The following MTREX variants were observed in gnomAD, a reference collection of about 807,000 sequenced individuals.
MTREX encodes the protein Mtr4 exosome RNA helicase.
Under a neutral mutation model 135.4 loss-of-function variants are expected in MTREX, and 76 were observed. The ratio of observed to expected loss-of-function variants is 0.56; its 90% CI spans 0.47 to 0.68. The LOEUF is 0.68. MTREX is among the 30% of genes least tolerant of loss of function. The pLI is 0.00. For synonymous variants in MTREX, 404 were observed against 401.6 expected (o/e 1.01, Z -0.07); for missense variants, 920 against 1,262.1 (o/e 0.73, Z 4.11).
intron 18 of MTREX, among the ~76,000 whole-genome samples, chr5:55,383,415 A>G (rs924507709): frequency 7.9e-5 from 12 of 152,216 alleles, no homozygotes; most frequent in Admixed American, 3.3e-4. Flanking sequence ...TTTTGCCTTC[A>G]TTTTTGAAAG....
At chr5:55,374,006 C>T (rs1422919600) in intron 16 of MTREX, among the ~76,000 whole-genome samples, 1 of 152,022 alleles carries the variant, frequency 6.6e-6, no homozygotes, top group African/African-American at 2.4e-5. Context: ...CTCATGCCTG[C>T]CAGAACTTTG....
Position 55,416,120 on chromosome 5 carries a change from G to T in MTREX, c.2959G>T (p.Asp987Tyr). The T allele has an allele frequency of 6.3e-7, 1 of 1,584,822 alleles. No homozygotes were observed. The highest frequency in any genetic ancestry group is 8.5e-7 in the Non-Finnish European group (1 of 1,170,178). ...ATTTGCCCATATCTGCAAAATGACAGATGTCTTTGAAGGTATGGTTAAATT... is the reference window on the plus strand; with the variant it reads ...ATTTGCCCATATCTGCAAAATGACATATGTCTTTGAAGGTATGGTTAAATT... ...ATFAHICKMT[D>Y]VFEGSIIRCM... The change falls in exon 25 of 27, where the codon GAT becomes TAT. Residue 987 changes from aspartate (D) to tyrosine (Y), a missense_variant. Asp to Tyr is a radical substitution (Grantham distance 160, BLOSUM62 -3). Coordinates refer to ENST00000230640, the MANE Select transcript of MTREX (RefSeq NM_015360.5).
chr5:55,417,661 G>A (rs1750987096), intron 25 of MTREX, among the ~76,000 whole-genome samples: 2 of 152,304 alleles, frequency 1.3e-5, no homozygotes, highest in South Asian at 4.1e-4. Context: ...CTTAAAACAG[G>A]AGCACAGGTT....
At chr5:55,413,868 A>G (rs230767) in intron 23 of MTREX, among the ~76,000 whole-genome samples, 130,880 of 152,256 alleles carry the variant, frequency 0.86, 56,650 homozygotes, top group South Asian at 0.92. Flanking sequence ...CTAAACTACT[A>G]TGTATGTTTA....
intron 1 of MTREX, among the ~76,000 whole-genome samples, chr5:55,318,780 C>G (rs1252894155): frequency 6.6e-6 from 1 of 150,678 alleles, no homozygotes; most frequent in Non-Finnish European, 1.5e-5. Flanking sequence ...TTTAAAAAGA[C>G]CAAATACTTC....
intron 16 of MTREX, among the ~76,000 whole-genome samples, chr5:55,372,808 G>A (rs1750224702): frequency 6.6e-6 from 1 of 151,726 alleles, no homozygotes; most frequent in Admixed American, 6.6e-5. Flanking sequence ...TTTGGATTTG[G>A]CAGTGATTTC....
Position 55,378,398 on chromosome 5 carries a change from A to G in MTREX, c.1895A>G (p.Gln632Arg). ...SVVIYYKIRQ[Q>R]LAKLGKEIEE... ...GTTATCTATTATAAGATTAGACAGCAGCTTGCCAAATTGGGTAAAGAAATT... is the reference window on the plus strand; with the variant it reads ...GTTATCTATTATAAGATTAGACAGCGGCTTGCCAAATTGGGTAAAGAAATT... Residue 632 changes from glutamine (Q) to arginine (R), a missense_variant, in exon 17 of 27, where the codon CAG (glutamine) becomes CGG (arginine). Physicochemically the swap from Gln to Arg is conservative, Grantham distance 43. Coordinates refer to ENST00000230640, the MANE Select transcript of MTREX (RefSeq NM_015360.5). The G allele has an allele frequency of 6.2e-7, 1 of 1,612,662 alleles. No individual in the cohort carries two copies. Among genetic ancestry groups the G allele is most frequent in the Non-Finnish European group, 8.5e-7 (1 of 1,179,566 alleles).
chr5:55,312,803 G>A (rs567110236), intron 1 of MTREX, among the ~76,000 whole-genome samples: 42 of 152,218 alleles, frequency 2.8e-4, no homozygotes, highest in African/African-American at 9.9e-4. Context: ...CTTGAGGTTG[G>A]CTGTTGTGTC....
At chr5:55,362,222 C>T (rs759614432) in intron 15 of MTREX, among the ~76,000 whole-genome samples, 2 of 151,544 alleles carry the variant, frequency 1.3e-5, no homozygotes, top group Non-Finnish European at 2.9e-5. Context: ...CATGAACCAT[C>T]GCGCTGGCTG....
rs1750664010 is a variant in MTREX, at chr5:55,397,522, T to C, written c.2288T>C (p.Ile763Thr). The C allele has an allele frequency of 3.2e-6, 5 of 1,577,130 alleles. 1 individual carries two copies. Among genetic ancestry groups the C allele is most frequent in the Non-Finnish European group, 4.4e-6 (5 of 1,149,220 alleles). The change falls in exon 20 of 27, where the codon ATA (isoleucine) becomes ACA (threonine). Residue 763 changes from isoleucine to threonine, a missense_variant. Ile to Thr is a moderately conservative substitution (Grantham distance 89, BLOSUM62 -1). Transcript: ENST00000230640. ...AATAGACAGAGTGTTTTAAAATCAA[T>C]ACAGGTATGTGTTAATTTCATAAGT... ...VDNRQSVLKS[I>T]QEVQKRFPDG... is the part of the protein sequence containing the mutation.
At chr5:55,344,967 T>G (rs1372842535) in intron 9 of MTREX, 127 bp from the exon 10 acceptor site, 1 of 638,850 alleles carries the variant, frequency 1.6e-6, no homozygotes, top group East Asian at 2.8e-5. Flanking sequence ...AGATCATGTT[T>G]GGACTATTTT....
intron 22 of MTREX, among the ~76,000 whole-genome samples, chr5:55,407,307 A>G (rs973365824): frequency 1.3e-5 from 2 of 152,216 alleles, no homozygotes; most frequent in Non-Finnish European, 2.9e-5. Context: ...TTATCACAGG[A>G]TAATGTGCTA....
In MTREX at chr5:55,343,450, A is replaced by T; in HGVS notation, c.901A>T (p.Lys301Ter). ...TGCTGAATGGATTTGCCATTTACAT[A>T]AACAGGTATTTTTTCCTCCTTTTTT... ...QFAEWICHLH[K>*]QPCHVIYTDY... Residue 301 changes from lysine (K) to a stop codon, truncating the protein, a stop_gained, in exon 8 of 27, where the codon AAA (lysine) becomes TAA (stop). Coordinates refer to ENST00000230640, the MANE Select transcript of MTREX (RefSeq NM_015360.5). LOFTEE classifies it high-confidence loss of function. 6.2e-7 allele frequency: 1 copy of T among 1,611,436 alleles called. No homozygotes were observed.
At chr5:55,350,179 A>AT (rs5867980) in intron 12 of MTREX, among the ~76,000 whole-genome samples, 27,721 of 152,066 alleles carry the variant, frequency 0.18, 2,645 homozygotes, top group Admixed American at 0.19. Context: ...CCCCCAGGTG[A>AT]TTCTGCTGTG....
intron 3 of MTREX, among the ~76,000 whole-genome samples, chr5:55,327,326 T>A (rs1009532639): frequency 6.6e-6 from 1 of 152,180 alleles, no homozygotes; most frequent in Non-Finnish European, 1.5e-5. Context: ...TAGAGTCTCT[T>A]TTTTTCTAAT....
intron 5 of MTREX, among the ~76,000 whole-genome samples, chr5:55,330,658 GAT>G (rs1749461038): frequency 6.8e-6 from 1 of 147,426 alleles, no homozygotes; most frequent in African/African-American, 2.6e-5. Flanking sequence ...ATGTGACTGA[GAT>G]AGTTTTTTTT....
Position 55,358,699 on chromosome 5 carries a change from G to A in MTREX, c.1659+1G>A. On this transcript the variant is annotated splice_donor_variant, in intron 15 of 26. Coordinates refer to ENST00000230640, the MANE Select transcript of MTREX (RefSeq NM_015360.5). LOFTEE classifies it high-confidence loss of function. ...AACAATTGGAAAACAATTACTTAAG[G>A]TAACTACATTAAGATTGTGTACCTT... 6.3e-7 allele frequency: 1 copy of A among 1,589,096 alleles called. No homozygotes were observed. The highest frequency in any genetic ancestry group is 8.5e-7 in the Non-Finnish European group (1 of 1,173,176).
intron 23 of MTREX, 38 bp from the exon 24 acceptor site, chr5:55,414,144 C>A: frequency 6.9e-7 from 1 of 1,446,724 alleles, no homozygotes; most frequent in Non-Finnish European, 9.3e-7. Context: ...TAACTTTAAA[C>A]GTGGGTTTTT....
chr5:55,394,963 G>T (rs913203734), intron 19 of MTREX, among the ~76,000 whole-genome samples: 1 of 151,666 alleles, frequency 6.6e-6, no homozygotes, highest in African/African-American at 2.4e-5. Context: ...AACCCAGGAG[G>T]CGGAGATTGC....
Sources: gnomAD v4.1 joint callset for allele counts (sites outside exome capture counted in the v4.1 genomes callset) on GRCh38, gnomAD v4.1.1 for gene constraint, MANE v1.5 for transcripts, NCBI Gene and HGNC (gene_info 2026-07-23, HGNC 2026-07-21) for gene names.